The following UMAD1 variants were observed in gnomAD, a reference collection of about 807,000 sequenced individuals.
UMAD1 encodes UBAP1-MVB12-associated (UMA) domain containing 1, also known as UBAP1-MVB12-associated (UMA)-domain containing protein 1.
UMAD1 carries 8 observed loss-of-function variants against 6.1 expected under a neutral mutation model. The ratio of observed to expected loss-of-function variants is 1.30; its 90% CI spans 0.76 to 2.35. The LOEUF is 2.35. UMAD1 is among the 30% of genes most tolerant of loss of function. The pLI is 0.00. For missense variants in UMAD1, 130 were observed against 78.4 expected (o/e 1.66, Z -2.49); for synonymous variants, 56 against 31.4 (o/e 1.78, Z -2.61).
At chr7:7,754,732 A>G (rs554276127) in intron 2 of UMAD1, among the ~76,000 whole-genome samples, 12 of 152,354 alleles carry the variant, frequency 7.9e-5, no homozygotes, top group African/African-American at 2.6e-4. Flanking sequence ...AGTATATTTA[A>G]AACAACTTGG....
At chr7:7,825,150 G>T (rs185640478) in intron 3 of UMAD1, among the ~76,000 whole-genome samples, 1 of 152,030 alleles carries the variant, frequency 6.6e-6, no homozygotes, top group Non-Finnish European at 1.5e-5. Flanking sequence ...GGAGGTGGGC[G>T]CAGGGGGGAG....
chr7:7,643,299 C>G (rs1785016757), intron 1 of UMAD1, among the ~76,000 whole-genome samples: 2 of 152,170 alleles, frequency 1.3e-5, no homozygotes, highest in African/African-American at 4.8e-5. Context: ...GGAAGGAAGC[C>G]TCAGATGGGC....
intron 2 of UMAD1, among the ~76,000 whole-genome samples, chr7:7,717,350 C>T (rs1258263383): frequency 6.6e-6 from 1 of 152,170 alleles, no homozygotes; most frequent in East Asian, 1.9e-4. Context: ...AGCCACCTCG[C>T]CCAGCCTCCT....
At chr7:7,876,866 T>G (rs1435999255) in intron 3 of UMAD1, among the ~76,000 whole-genome samples, 1 of 152,186 alleles carries the variant, frequency 6.6e-6, no homozygotes, top group African/African-American at 2.4e-5. Flanking sequence ...AATAACATCT[T>G]AGGCAATTTG....
At chr7:7,762,574 C>G (rs1313902518) in intron 2 of UMAD1, among the ~76,000 whole-genome samples, 1 of 152,128 alleles carries the variant, frequency 6.6e-6, no homozygotes, top group African/African-American at 2.4e-5. Flanking sequence ...ATGGAAATTA[C>G]AAAGGTTTCG....
intron 3 of UMAD1, among the ~76,000 whole-genome samples, chr7:7,876,314 G>C (rs1784418426): frequency 6.6e-6 from 1 of 152,164 alleles, no homozygotes; most frequent in South Asian, 2.1e-4. Flanking sequence ...CAGGGCACAC[G>C]AGCTGGAGAT....
intron 2 of UMAD1, among the ~76,000 whole-genome samples, chr7:7,784,099 T>C (rs953793559): frequency 6.6e-6 from 1 of 152,210 alleles, no homozygotes; most frequent in Non-Finnish European, 1.5e-5. Flanking sequence ...AGAAGAAGTG[T>C]GGATCTTGAC....
intron 2 of UMAD1, among the ~76,000 whole-genome samples, chr7:7,742,772 A>T (rs1417681908): frequency 1.3e-5 from 2 of 152,210 alleles, no homozygotes; most frequent in Admixed American, 6.5e-5. Context: ...TTGACATTTT[A>T]ATTTTTCCAG....
At chr7:7,868,053 T>C (rs1266985093) in intron 3 of UMAD1, among the ~76,000 whole-genome samples, 2 of 151,940 alleles carry the variant, frequency 1.3e-5, no homozygotes, top group Admixed American at 6.6e-5. Flanking sequence ...GCTGGTGATA[T>C]AGGGCTAGAG....
intron 3 of UMAD1, among the ~76,000 whole-genome samples, chr7:7,805,534 C>T (rs971328490): frequency 1.3e-5 from 2 of 150,036 alleles, no homozygotes; most frequent in Non-Finnish European, 1.5e-5. Context: ...GCCCATTCTC[C>T]ACATAGCAGA....
intron 2 of UMAD1, among the ~76,000 whole-genome samples, chr7:7,746,955 TTGTGTG>T (rs36223422): frequency 0.1 from 15,417 of 148,562 alleles, 1,007 homozygotes; most frequent in African/African-American, 0.19. Context: ...GAGTGCATGT[TTGTGTG>T]TGTGTGTGTG....
chr7:7,662,759 G>A (rs985730745), intron 1 of UMAD1, among the ~76,000 whole-genome samples: 1 of 152,068 alleles, frequency 6.6e-6, no homozygotes, highest in African/African-American at 2.4e-5. Context: ...GTTGCTATTC[G>A]GCCATCTTGC....
chr7:7,701,957 C>G (rs926013544), intron 2 of UMAD1, among the ~76,000 whole-genome samples: 1 of 152,188 alleles, frequency 6.6e-6, no homozygotes, highest in Non-Finnish European at 1.5e-5. Flanking sequence ...GACCTCTTTT[C>G]TCTTCTTAAC....
intron 3 of UMAD1, among the ~76,000 whole-genome samples, chr7:7,811,898 G>T (rs200683648): frequency 2.2e-5 from 2 of 89,662 alleles, no homozygotes; most frequent in East Asian, 3.0e-4. Context: ...TTAAAAATAC[G>T]TTGTTATTTC....
intron 3 of UMAD1, among the ~76,000 whole-genome samples, chr7:7,869,489 C>T (rs1784298184): frequency 6.6e-6 from 1 of 152,018 alleles, no homozygotes; most frequent in Non-Finnish European, 1.5e-5. Flanking sequence ...GTGTTTTATA[C>T]CTGGTTTCAT....
intron 3 of UMAD1, among the ~76,000 whole-genome samples, chr7:7,851,718 A>T (rs1230477329): frequency 6.6e-6 from 1 of 152,140 alleles, no homozygotes; most frequent in Non-Finnish European, 1.5e-5. Flanking sequence ...TCCTTCGCTT[A>T]TTCTTTTTAA....
At chr7:7,801,042 C>T (rs1782788868) in intron 2 of UMAD1, among the ~76,000 whole-genome samples, 1 of 152,204 alleles carries the variant, frequency 6.6e-6, no homozygotes, top group East Asian at 1.9e-4. Flanking sequence ...TTATACTTAC[C>T]CAAGTGTGTT....
chr7:7,792,954 C>A (rs73673830), intron 2 of UMAD1, among the ~76,000 whole-genome samples: 2 of 152,116 alleles, frequency 1.3e-5, no homozygotes, highest in African/African-American at 4.8e-5. Context: ...ATCCTCATGA[C>A]CTCATGACCT....
intron 2 of UMAD1, among the ~76,000 whole-genome samples, chr7:7,730,117 C>T (rs1450656713): frequency 6.6e-6 from 1 of 152,208 alleles, no homozygotes; most frequent in Non-Finnish European, 1.5e-5. Context: ...TCACAACTGT[C>T]ATATGGGCAC....
Sources: gnomAD v4.1 joint callset for allele counts (sites outside exome capture counted in the v4.1 genomes callset) on GRCh38, gnomAD v4.1.1 for gene constraint, MANE v1.5 for transcripts, NCBI Gene and HGNC (gene_info 2026-07-23, HGNC 2026-07-21) for gene names.